The following RYR2 variants were observed in gnomAD, a reference collection of about 807,000 sequenced individuals.
The protein encoded by RYR2 is ryanodine receptor 2.
Under a neutral mutation model 601.1 loss-of-function variants are expected in RYR2, and 227 were observed. The ratio of observed to expected loss-of-function variants is 0.38; its 90% CI spans 0.34 to 0.42. The LOEUF (loss-of-function observed/expected upper bound fraction) is 0.42. Ranked by LOEUF, RYR2 falls within the 10% of genes least tolerant of loss-of-function variation. The pLI, the probability that RYR2 is intolerant of heterozygous loss-of-function variation, is 1.00. For missense variants in RYR2, 4,646 were observed against 6,156.5 expected, an observed-to-expected ratio of 0.75 and a Z score of 8.21; for synonymous variants, 2,223 against 2,175.1, an observed-to-expected ratio of 1.02 and a Z score of -0.61.
intron 63 of RYR2, among the ~76,000 whole-genome samples, chr1:237,690,151 T>C (rs1451533675): frequency 6.6e-6 from 1 of 152,210 alleles, no homozygotes; most frequent in Non-Finnish European, 1.5e-5. Context: ...CTTTTAAGTC[T>C]TAAGCATTTA....
At chr1:237,371,952 C>G (rs1340364524) in intron 6 of RYR2, among the ~76,000 whole-genome samples, 2 of 152,202 alleles carry the variant, frequency 1.3e-5, no homozygotes, top group East Asian at 3.9e-4. Flanking sequence ...ATGTGAATGA[C>G]AAGTTAATGG....
intron 1 of RYR2, among the ~76,000 whole-genome samples, chr1:237,173,636 T>A (rs1052819800): frequency 6.6e-6 from 1 of 152,186 alleles, no homozygotes; most frequent in African/African-American, 2.4e-5. Context: ...GCATGTTAAG[T>A]TTTCTACACA....
chr1:237,560,887 G>A (rs1339533215), intron 27 of RYR2, among the ~76,000 whole-genome samples: 1 of 152,202 alleles, frequency 6.6e-6, no homozygotes, highest in African/African-American at 2.4e-5. Context: ...TCCCGTTGAG[G>A]TTAGAGACTC....
intron 21 of RYR2, among the ~76,000 whole-genome samples, chr1:237,502,816 A>G (rs2150489874): frequency 6.6e-6 from 1 of 151,996 alleles, no homozygotes; most frequent in East Asian, 1.9e-4. Context: ...AGTGACCAAG[A>G]AAGTGAAAAA....
At chr1:237,623,955 T>A in intron 39 of RYR2, 85 bp downstream of exon 39, 1 of 850,460 alleles carries the variant, frequency 1.2e-6, no homozygotes, top group Non-Finnish European at 2.0e-6. Context: ...TATATGCGAA[T>A]ATTTTCACGA....
At chr1:237,672,950 T>C (rs115355154) in intron 58 of RYR2, among the ~76,000 whole-genome samples, 1,699 of 152,320 alleles carry the variant, frequency 0.011, 18 homozygotes, top group Non-Finnish European at 0.017. Context: ...GGCGATTGCA[T>C]GTCTGTAGAT....
At chr1:237,824,582 G>A (rs1035526219) in intron 101 of RYR2, among the ~76,000 whole-genome samples, 2 of 152,104 alleles carry the variant, frequency 1.3e-5, no homozygotes, top group African/African-American at 4.8e-5. Flanking sequence ...ATACTGAATG[G>A]CCAAAAACTG....
intron 20 of RYR2, 100 bp from the exon 21 acceptor site, chr1:237,500,611 G>T: frequency 1.1e-6 from 1 of 936,444 alleles, no homozygotes; most frequent in Non-Finnish European, 1.6e-6. Flanking sequence ...GTTGTGCATT[G>T]GTTTGTCACT....
intron 1 of RYR2, among the ~76,000 whole-genome samples, chr1:237,119,809 A>G (rs1670577679): frequency 6.6e-6 from 1 of 152,202 alleles, no homozygotes; most frequent in Admixed American, 6.5e-5. Context: ...TATTGATACC[A>G]CATCTCTGCC....
chr1:237,260,273 A>G (rs1313102540), intron 1 of RYR2, among the ~76,000 whole-genome samples: 1 of 152,210 alleles, frequency 6.6e-6, no homozygotes, highest in East Asian at 1.9e-4. Flanking sequence ...ACTTAGTGAA[A>G]GTGAGCTTAT....
chr1:237,340,935 T>C (rs1379703533), intron 3 of RYR2, among the ~76,000 whole-genome samples: 1 of 152,230 alleles, frequency 6.6e-6, no homozygotes, highest in Non-Finnish European at 1.5e-5. Context: ...GGTTGAAAGA[T>C]GCATCTTTCA....
At chr1:237,480,391 A>C (rs1485770860) in intron 17 of RYR2, among the ~76,000 whole-genome samples, 5 of 151,484 alleles carry the variant, frequency 3.3e-5, no homozygotes, top group Admixed American at 2.6e-4. Flanking sequence ...AAAAAAAAAA[A>C]AAAAAAAAAG....
intron 8 of RYR2, among the ~76,000 whole-genome samples, chr1:237,383,292 C>G (rs183079070): frequency 9.9e-5 from 15 of 151,924 alleles, no homozygotes; most frequent in African/African-American, 3.4e-4. Flanking sequence ...CCTTCCATTT[C>G]TGAGATGTTG....
intron 25 of RYR2, among the ~76,000 whole-genome samples, chr1:237,535,484 TACACACACACACACACACAC>T (rs58146773): frequency 6.9e-6 from 1 of 144,636 alleles, no homozygotes; most frequent in East Asian, 2.0e-4. Flanking sequence ...CAAACACACA[TACACACACACACACACACAC>T]ACACACACAC....
intron 1 of RYR2, among the ~76,000 whole-genome samples, chr1:237,075,194 G>A (rs1664861311): frequency 6.6e-6 from 1 of 151,800 alleles, no homozygotes; most frequent in African/African-American, 2.4e-5. Context: ...TTTTTTTTTG[G>A]CCCATGCATT....
intron 40 of RYR2, among the ~76,000 whole-genome samples, chr1:237,626,542 G>A (rs1322806118): frequency 8.3e-6 from 1 of 120,244 alleles, no homozygotes; most frequent in Non-Finnish European, 1.8e-5. Flanking sequence ...TAAAATCAGA[G>A]TTCAGTGTTT....
chr1:237,134,743 G>A (rs1046937200), intron 1 of RYR2, among the ~76,000 whole-genome samples: 2 of 152,176 alleles, frequency 1.3e-5, no homozygotes, highest in Admixed American at 1.3e-4. Flanking sequence ...GTGGTCAAAG[G>A]TCAAAATATT....
chr1:237,276,603 A>T (rs933895381), intron 2 of RYR2, among the ~76,000 whole-genome samples: 2 of 152,216 alleles, frequency 1.3e-5, no homozygotes, highest in African/African-American at 2.4e-5. Context: ...CTAATCAAGG[A>T]TAAAGGGAGT....
chr1:237,626,789 G>T (rs1559134845), intron 40 of RYR2, among the ~76,000 whole-genome samples: 1 of 151,406 alleles, frequency 6.6e-6, no homozygotes, highest in Non-Finnish European at 1.5e-5. Flanking sequence ...GGCCAGGCTG[G>T]TGTTGAACTC....
Sources: allele counts gnomAD v4.1 joint callset (sites outside exome capture counted in the v4.1 genomes callset), GRCh38; gene constraint gnomAD v4.1.1; transcripts MANE v1.5; gene names NCBI Gene and HGNC (gene_info 2026-07-23, HGNC 2026-07-21).